Variants in CPNE9 observed in about 807,000 individuals in gnomAD.
The protein encoded by CPNE9 is copine family member 9.
A neutral mutation model predicts 83.0 loss-of-function variants in CPNE9; 59 were observed. The observed-to-expected ratio is 0.71, with a 90% confidence interval of 0.58 to 0.88. The LOEUF (loss-of-function observed/expected upper bound fraction) is 0.88, where lower values mean the gene tolerates loss of function less well. Among genes scored for constraint, CPNE9 ranks in the 40% least tolerant of loss-of-function variants. The pLI is 0.00. For missense variants in CPNE9, 619 were observed against 720.8 expected (o/e 0.86, Z 1.62); for synonymous variants, 256 against 273.4 (o/e 0.94, Z 0.63).
chr3:9,729,440 C>T, intron 20 of CPNE9, 67 bp from the exon 21 acceptor site: 1 of 1,503,934 alleles, frequency 6.6e-7, no homozygotes. Context: ...AAAGAAGCCT[C>T]CCTGCTGCAC....
chr3:9,703,944 C>T lies in CPNE9; in HGVS notation c.-53C>T. On this transcript the variant is annotated 5_prime_UTR_variant, in exon 1 of 21. Transcript: ENST00000383832. ...GCCCCGCCGCTGCCGTCGCCCCTAG[C>T]CCCAGCAGCCCTGGTCTCGCAGCCT... 1.5e-5 allele frequency: 23 copies of T among 1,495,764 alleles called. No homozygotes were observed. Among genetic ancestry groups the T allele is most frequent in the Non-Finnish European group, 1.9e-5 (21 of 1,108,304 alleles). 92.7% of individuals were successfully genotyped at this position (1,495,764 alleles called of 1,614,324 possible).
Position 9,713,117 on chromosome 3 carries a change from G to A in CPNE9, c.650+38G>A, listed in dbSNP as rs114400939. ...ATAAGCTGGGGAGTAAGGAGCCAAG[G>A]ACATGCCAGTGTGGTTCCTGGGCCC... is the stretch of plus-strand genomic sequence containing the variant. On this transcript the variant is annotated intron_variant, in intron 10 of 20. Transcript: ENST00000383832. The A allele has an allele frequency of 5.3e-3, 7,792 of 1,472,868 alleles. 44 individuals are homozygous for A. Among genetic ancestry groups the A allele is most frequent in the Non-Finnish European group, 6.4e-3 (6,787 of 1,053,550 alleles). The allele number at this position is 1,472,868 out of a possible 1,614,324, so 91.2% of individuals were successfully genotyped here. A position where few individuals can be genotyped will look rare whatever the true frequency, so the allele number is the denominator to read the frequency against.
rs1055995240 is a variant in CPNE9, at chr3:9,703,846, G to C, written c.-151G>C. 2 of 449,670 alleles carry C rather than the reference G, an allele frequency of 4.4e-6. No individual in the cohort carries two copies. Among genetic ancestry groups the C allele is most frequent in the Non-Finnish European group, 7.2e-6 (2 of 276,662 alleles). 27.9% of individuals were successfully genotyped at this position (449,670 alleles called of 1,614,324 possible). ...CCGCCGGCGGCCACTGTCAGGGCGC[G>C]AGCGGCTGGAGCGCACGCAGGGCTG... On this transcript the variant is annotated 5_prime_UTR_variant, in exon 1 of 21. Coordinates refer to ENST00000383832, the MANE Select transcript of CPNE9 (RefSeq NM_153635.3).
rs1256647878 is a variant in CPNE9, at chr3:9,704,739, C to T, written c.110-10C>T. On this transcript the variant is annotated splice_polypyrimidine_tract_variant and intron_variant, in intron 2 of 20. Transcript: ENST00000383832. This position sits in a 1 kb window ranked among gnomAD's most constrained non-coding sequence, Gnocchi z 7.1. Reference sequence around the variant, plus strand: ...ACCTGACGTCCTTCCCTCCCCGCCCCCACCTGCAGTGGTGGTGCTTTACAC... The same window carrying T: ...ACCTGACGTCCTTCCCTCCCCGCCCTCACCTGCAGTGGTGGTGCTTTACAC... The T allele has an allele frequency of 6.2e-7, 1 of 1,612,500 alleles. No individual in the cohort carries two copies. The highest frequency in any genetic ancestry group is 1.3e-5 in the African/African-American group (1 of 74,872).
At chr3:9,723,090 T>G (rs910780372) in intron 17 of CPNE9, among the ~76,000 whole-genome samples, 5 of 152,194 alleles carry the variant, frequency 3.3e-5, no homozygotes, top group Admixed American at 3.3e-4. Context: ...AATTGCTATT[T>G]ATGAAATGAG....
At chr3:9,725,686 A>ATATATGTGTGTATATATG (rs767348050) in intron 17 of CPNE9, among the ~76,000 whole-genome samples, 3 of 132,920 alleles carry the variant, frequency 2.3e-5, no homozygotes, top group Admixed American at 7.7e-5. Flanking sequence ...GTATATATAT[A>ATATATGTGTGTATATATG]TACATATATG....
At chr3:9,705,956 T>C (rs772384087) in intron 6 of CPNE9, 31 bp from the exon 7 acceptor site, 1 of 1,608,490 alleles carries the variant, frequency 6.2e-7, no homozygotes, top group Non-Finnish European at 8.5e-7. Flanking sequence ...CTCAAGAGCT[T>C]CTGGTCTTGC....
At chr3:9,717,670 GTGGATGGATGGA>G (rs113581025) in intron 15 of CPNE9, among the ~76,000 whole-genome samples, 3 of 151,836 alleles carry the variant, frequency 2.0e-5, no homozygotes, top group Non-Finnish European at 4.4e-5. Context: ...AGACAAGTGG[GTGGATGGATGGA>G]TGGATGGATG....
At chr3:9,715,209 T>G in intron 11 of CPNE9, 80 bp from the exon 12 acceptor site, 2 of 1,461,606 alleles carry the variant, frequency 1.4e-6, no homozygotes, top group Non-Finnish European at 9.5e-7. Context: ...GGGCTTAGGA[T>G]AGGAGGAATA....
chr3:9,710,742 A>G (rs2076618714), intron 7 of CPNE9, among the ~76,000 whole-genome samples: 1 of 152,170 alleles, frequency 6.6e-6, no homozygotes, highest in South Asian at 2.1e-4. Flanking sequence ...AGTGAGAGAA[A>G]AGATTGGGCC....
intron 15 of CPNE9, among the ~76,000 whole-genome samples, 186 bp from the exon 16 acceptor site, chr3:9,717,843 G>A (rs1250668643): frequency 6.6e-6 from 1 of 152,134 alleles, no homozygotes; most frequent in African/African-American, 2.4e-5. Context: ...TGGATGAATA[G>A]ATATAGGGAT....
chr3:9,710,149 C>CA (rs373181450), intron 7 of CPNE9, among the ~76,000 whole-genome samples: 232 of 148,218 alleles, frequency 1.6e-3, no homozygotes, highest in African/African-American at 4.6e-3. Flanking sequence ...TCCATCTCTA[C>CA]AAAAAAAAAG....
intron 17 of CPNE9, among the ~76,000 whole-genome samples, chr3:9,722,981 T>A (rs2076747125): frequency 6.6e-6 from 1 of 152,224 alleles, no homozygotes; most frequent in Non-Finnish European, 1.5e-5. Flanking sequence ...CTAACCTCAA[T>A]ACACTTTAGT....
At chr3:9,714,859 G>T (rs988189613) in intron 10 of CPNE9, 55 bp from the exon 11 acceptor site, 1 of 1,443,446 alleles carries the variant, frequency 6.9e-7, no homozygotes, top group Non-Finnish European at 9.7e-7. Flanking sequence ...GTGTATGAGG[G>T]TGTCTCTGGG....
At position 9,712,802 on chromosome 3, in the gene CPNE9, G is replaced by A. The variant is rs762792198; in HGVS notation, c.519G>A (p.Val173=). Residue 173 remains valine, a synonymous_variant, in exon 9 of 21, where the codon GTG becomes GTA. Transcript: ENST00000383832. ...TTGGGAAATCAGACCCCTTCCTTGTGTTCTACAGGAGCAATGAGGATGGCA... is the reference window on the plus strand; with the variant it reads ...TTGGGAAATCAGACCCCTTCCTTGTATTCTACAGGAGCAATGAGGATGGCA... ...DFFGKSDPFL[V]FYRSNEDGTF... 2 of 1,614,158 alleles carry A rather than the reference G, an allele frequency of 1.2e-6. No individual in the cohort carries two copies. Among genetic ancestry groups the A allele is most frequent in the Non-Finnish European group, 8.5e-7 (1 of 1,180,024 alleles).
intron 7 of CPNE9, among the ~76,000 whole-genome samples, chr3:9,709,216 C>T (rs1485808700): frequency 2.1e-5 from 3 of 140,996 alleles, no homozygotes; most frequent in Admixed American, 7.2e-5. Flanking sequence ...GCGGAGGTTG[C>T]AGTGAGCCGA....
At chr3:9,710,924 G>A (rs547940884) in intron 7 of CPNE9, among the ~76,000 whole-genome samples, 1 of 152,238 alleles carries the variant, frequency 6.6e-6, no homozygotes, top group South Asian at 2.1e-4. Context: ...GGCTACTTGA[G>A]AGGCTGATGT....
intron 17 of CPNE9, 83 bp downstream of exon 17, chr3:9,718,685 A>G (rs571532080): frequency 4.4e-5 from 67 of 1,515,660 alleles, no homozygotes; most frequent in Admixed American, 7.6e-5. Flanking sequence ...GGAGCACTCT[A>G]AGTAATTTAG....
At chr3:9,713,888 G>A (rs1431138895) in intron 10 of CPNE9, among the ~76,000 whole-genome samples, 1 of 151,934 alleles carries the variant, frequency 6.6e-6, no homozygotes, top group Non-Finnish European at 1.5e-5. Flanking sequence ...TGGCTAACAC[G>A]GTGAAACCCC....
Sources: gnomAD v4.1 joint callset for allele counts (sites outside exome capture counted in the v4.1 genomes callset) on GRCh38, gnomAD v4.1.1 for gene constraint, Gnocchi (gnomAD v3.1) non-coding constraint, MANE v1.5 for transcripts, NCBI Gene and HGNC (gene_info 2026-07-23, HGNC 2026-07-21) for gene names.